The following PPFIA3 variants were observed in gnomAD, a reference collection of about 807,000 sequenced individuals.
PPFIA3 encodes the protein PPFI scaffold protein A3, also known as liprin-alpha-3.
In PPFIA3, 26 loss-of-function variants were observed where a neutral mutation model predicts 145.8. The observed-to-expected ratio is 0.18, with a 90% CI of 0.13 to 0.25. The LOEUF (loss-of-function observed/expected upper bound fraction) is 0.25. PPFIA3 is among the 10% of genes least tolerant of loss of function. The probability of loss-of-function intolerance (pLI) is 1.00; values close to 1 mark genes in which losing one functional copy is unlikely to be tolerated. For synonymous variants in PPFIA3, 645 were observed against 661.4 expected (o/e 0.98, Z 0.38); for missense variants, 1,008 against 1,587.8 (o/e 0.63, Z 6.21).
At chr19:49,132,911 C>G in intron 7 of PPFIA3, 90 bp from the exon 8 acceptor site, 5 of 1,517,082 alleles carry the variant, frequency 3.3e-6, no homozygotes, top group Non-Finnish European at 4.4e-6. Flanking sequence ...ACTCCCATGT[C>G]AGGGCACTTT....
At chr19:49,148,059 TC>T in intron 23 of PPFIA3, 23 bp from the exon 24 acceptor site, 1 of 1,600,782 alleles carries the variant, frequency 6.2e-7, no homozygotes. Flanking sequence ...GCCTGACTCT[TC>T]CCTCACCTGC....
At chr19:49,137,135 C>A in intron 15 of PPFIA3, 1 of 407,574 alleles carries the variant, frequency 2.5e-6, no homozygotes, top group East Asian at 3.6e-5. Context: ...ACTCACCATT[C>A]CCCAACACAC....
Position 49,130,560 on chromosome 19 carries a change from A to G in PPFIA3, c.840A>G (p.Ala280=), listed in dbSNP as rs1264731944. ...LGTAHRELGK[A]EEANSKLQRD... ...CCGCGCACCGTGAGCTGGGCAAGGC[A>G]GAGGAAGCCAACTCCAAGCTGCAGC... is the stretch of plus-strand genomic sequence containing the variant. Residue 280 remains alanine (A), a synonymous_variant, in exon 7 of 30, where the codon GCA becomes GCG. Coordinates refer to ENST00000334186, the MANE Select transcript of PPFIA3 (RefSeq NM_003660.4). The surrounding 1 kb of genome is among the most constrained non-coding windows in gnomAD (Gnocchi z 4.5). The G allele has an allele frequency of 6.4e-7, 1 of 1,567,182 alleles. No individual in the cohort carries two copies. Among genetic ancestry groups the G allele is most frequent in the East Asian group, 2.3e-5 (1 of 42,598 alleles).
Position 49,130,288 on chromosome 19 carries a change from TCTA to T in PPFIA3, c.658-87_658-85del. On this transcript the variant is annotated intron_variant, in intron 6 of 29. Coordinates refer to ENST00000334186, the MANE Select transcript of PPFIA3 (RefSeq NM_003660.4). The surrounding 1 kb of genome is among the most constrained non-coding windows in gnomAD (Gnocchi z 4.5). The stretch of plus-strand genomic sequence containing the variant: ...CAGCATGATCCTTATTGATCTTTGA[TCTA>T]CTTTCAGCTGATTGACTTTCTCCTT... 7.6e-7 allele frequency: 1 copy of T among 1,319,104 alleles called. No homozygotes were observed. Among genetic ancestry groups the T allele is most frequent in the Non-Finnish European group, 1.0e-6 (1 of 962,996 alleles). The allele number at this position is 1,319,104 out of a possible 1,614,324, so 81.7% of individuals were successfully genotyped here.
chr19:49,148,877 GT>G (rs1568442703), intron 25 of PPFIA3, 114 bp downstream of exon 25: 3 of 1,461,686 alleles, frequency 2.1e-6, no homozygotes, highest in Non-Finnish European at 9.4e-7. Context: ...AACCGTGGGG[GT>G]GGAGCCAGCG....
chr19:49,142,740 AT>A, intron 20 of PPFIA3, 63 bp from the exon 21 acceptor site: 1 of 1,153,580 alleles, frequency 8.7e-7, no homozygotes, highest in Non-Finnish European at 1.2e-6. Context: ...CTGTTCCCCC[AT>A]CTCTCCGATT....
intron 1 of PPFIA3, among the ~76,000 whole-genome samples, chr19:49,126,560 CTTT>C (rs762895281): frequency 3.4e-5 from 4 of 118,810 alleles, no homozygotes; most frequent in Non-Finnish European, 5.1e-5. Flanking sequence ...CCTGGCCTTG[CTTT>C]TTTTTTTTTT....
chr19:49,131,229 C>T (rs1056634734), intron 7 of PPFIA3, among the ~76,000 whole-genome samples: 19 of 132,740 alleles, frequency 1.4e-4, no homozygotes, highest in African/African-American at 3.5e-4. Context: ...AGTGCAGTGT[C>T]GGGATCTTGG....
chr19:49,124,427 ATGTT>A (rs2122523899), intron 1 of PPFIA3, among the ~76,000 whole-genome samples: 2 of 152,124 alleles, frequency 1.3e-5, no homozygotes, highest in East Asian at 1.9e-4. Flanking sequence ...TCTGCTGACT[ATGTT>A]TGTTATGTGT....
In PPFIA3 at chr19:49,128,571, C is replaced by G. The variant is rs960083722; in HGVS notation, c.342+103C>G. Reference sequence around the variant, plus strand: ...TTGCAGCGTGACCTATTTTTTTCCCCCATCTCGCCTTTCTGTCTTCTCCTC... The same window carrying G: ...TTGCAGCGTGACCTATTTTTTTCCCGCATCTCGCCTTTCTGTCTTCTCCTC... On this transcript the variant is annotated intron_variant, in intron 3 of 29. Transcript: ENST00000334186. This position sits in a 1 kb window ranked among gnomAD's most constrained non-coding sequence, Gnocchi z 4.1. The G allele has an allele frequency of 5.3e-6, 6 of 1,121,862 alleles. No individual in the cohort carries two copies. The highest frequency in any genetic ancestry group is 5.1e-5 in the East Asian group (2 of 39,268). The allele number at this position is 1,121,862 out of a possible 1,614,324, so 69.5% of individuals were successfully genotyped here. A position where few individuals can be genotyped will look rare whatever the true frequency, so the allele number is the denominator to read the frequency against.
chr19:49,128,073 A>G lies in PPFIA3; in HGVS notation c.200A>G (p.Lys67Arg). 3 of 1,583,680 alleles carry G rather than the reference A, an allele frequency of 1.9e-6. No individual in the cohort carries two copies. The highest frequency in any genetic ancestry group is 2.6e-6 in the Non-Finnish European group (3 of 1,172,298). ...QLRLRELGHE[K>R]DSLQRQLSIA... ...CGGCTGCGCGAGCTCGGCCACGAGAAGGACTCGCTGCAGCGCCAGCTCAGC... is the reference window on the plus strand; with the variant it reads ...CGGCTGCGCGAGCTCGGCCACGAGAGGGACTCGCTGCAGCGCCAGCTCAGC... Residue 67 changes from lysine (K) to arginine (R), a missense_variant, in exon 2 of 30, where the codon AAG (lysine) becomes AGG (arginine). Transcript: ENST00000334186. The surrounding 1 kb of genome is among the most constrained non-coding windows in gnomAD (Gnocchi z 4.1).
chr19:49,146,466 T>C, intron 23 of PPFIA3: 1 of 547,422 alleles, frequency 1.8e-6, no homozygotes, highest in South Asian at 2.2e-5. Context: ...GGGCTTCAAT[T>C]CTGTAGCTCA....
At chr19:49,148,463 AACCCTGG>A in intron 24 of PPFIA3, 196 bp from the exon 25 acceptor site, 1 of 749,928 alleles carries the variant, frequency 1.3e-6, no homozygotes, top group Middle Eastern at 3.9e-4. Flanking sequence ...TTGGCTAGTT[AACCCTGG>A]ACCCCTTCCA....
rs1003054824 is a variant in PPFIA3, at chr19:49,141,584, GTGTA to G, written c.2462+75_2462+78del. 9.4e-5 allele frequency: 98 copies of G among 1,047,226 alleles called. 1 individual carries two copies. In the Admixed American group the frequency reaches 1.6e-3, roughly 17 times the overall value. The allele number at this position is 1,047,226 out of a possible 1,614,324, so 64.9% of individuals were successfully genotyped here. On this transcript the variant is annotated intron_variant, in intron 19 of 29. Transcript: ENST00000334186. ...AGAGTGTGTGAGGGTGTGTGTGTGC[GTGTA>G]TGTGTGTGTATGAGTGTGTGTGTGT... is the stretch of plus-strand genomic sequence containing the variant.
At chr19:49,142,004 G>T in intron 19 of PPFIA3, 30 bp from the exon 20 acceptor site, 1 of 1,541,538 alleles carries the variant, frequency 6.5e-7, no homozygotes, top group Middle Eastern at 1.7e-4. Flanking sequence ...ATCCCTGACA[G>T]CTTCTATCCT....
At position 49,149,938 on chromosome 19, in the gene PPFIA3, T is replaced by G. The variant is rs1283897628; in HGVS notation, c.3527-142T>G. On this transcript the variant is annotated intron_variant, in intron 28 of 29. Coordinates refer to ENST00000334186, the MANE Select transcript of PPFIA3 (RefSeq NM_003660.4). This position sits in a 1 kb window ranked among gnomAD's most constrained non-coding sequence, Gnocchi z 5.7. ...ACTCGCCCAATGCGAGTTTGAGTCC[T>G]TGGCTGCGGGGAAGGGAGGGAAACC... 1.7e-6 allele frequency: 2 copies of G among 1,188,546 alleles called. No homozygotes were observed. The highest frequency in any genetic ancestry group is 1.5e-5 in the African/African-American group (1 of 65,788). 73.6% of individuals were successfully genotyped at this position (1,188,546 alleles called of 1,614,324 possible).
At position 49,149,247 on chromosome 19, in the gene PPFIA3, C is replaced by T. The variant is rs1237025043; in HGVS notation, c.3286-10C>T. On this transcript the variant is annotated splice_polypyrimidine_tract_variant and intron_variant, in intron 26 of 29. Transcript: ENST00000334186. The surrounding 1 kb of genome is among the most constrained non-coding windows in gnomAD (Gnocchi z 5.7). ...ACGCTCCAACCGCCCCCTCCACCTC[C>T]TCTTTCCAGGCCCGGCAGCTTCTGG... 4 of 1,614,128 alleles carry T rather than the reference C, an allele frequency of 2.5e-6. No homozygotes were observed. The highest frequency in any genetic ancestry group is 3.4e-6 in the Non-Finnish European group (4 of 1,180,054).
chr19:49,120,090 G>C lies in PPFIA3; in HGVS notation c.-16+368G>C, dbSNP rs919385782. 2.0e-5 allele frequency among the ~76,000 whole-genome samples: 3 copies of C among 152,000 alleles called. No individual in the cohort carries two copies. The highest frequency in any genetic ancestry group is 1.9e-4 in the East Asian group (1 of 5,150). ...GACGCGTCCGCATCGTCCCCGCTTC[G>C]CGCACTCCGTCTCCCGTCGCCAGCC... On this transcript the variant is annotated intron_variant, in intron 1 of 29. Transcript: ENST00000334186. The surrounding 1 kb of genome is among the most constrained non-coding windows in gnomAD (Gnocchi z 4.6).
At chr19:49,127,109 C>T (rs2041008214) in intron 1 of PPFIA3, among the ~76,000 whole-genome samples, 1 of 145,656 alleles carries the variant, frequency 6.9e-6, no homozygotes, top group Non-Finnish European at 1.5e-5. Context: ...AAAGGTCAGG[C>T]GCGGTGGCTC....
Sources: allele counts gnomAD v4.1 joint callset (sites outside exome capture counted in the v4.1 genomes callset), GRCh38; gene constraint gnomAD v4.1.1; non-coding constraint Gnocchi (gnomAD v3.1); transcripts MANE v1.5; gene names NCBI Gene and HGNC (gene_info 2026-07-23, HGNC 2026-07-21).